SETX: variants seen among roughly 807,000 people sequenced by gnomAD.
SETX encodes the protein senataxin.
Under a neutral mutation model 227.2 loss-of-function variants are expected in SETX, and 90 were observed. That is an observed-to-expected ratio of 0.40 (90% CI 0.33 to 0.47). The LOEUF (loss-of-function observed/expected upper bound fraction) is 0.47. SETX is among the 20% of genes least tolerant of loss of function. SETX has a pLI of 0.91. For missense variants in SETX, 3,052 were observed against 3,181.5 expected (o/e 0.96, Z 0.98); for synonymous variants, 1,210 against 1,113.2 (o/e 1.09, Z -1.73).
chr9:132,326,262 C>T, intron 10 of SETX, 62 bp downstream of exon 10: 2 of 1,287,430 alleles, frequency 1.6e-6, no homozygotes, highest in Non-Finnish European at 2.2e-6. Context: ...CATTTTCACT[C>T]AGCAAGGTAA....
chr9:132,274,378 T>C (rs1787014963), intron 23 of SETX, among the ~76,000 whole-genome samples: 1 of 152,112 alleles, frequency 6.6e-6, no homozygotes, highest in Non-Finnish European at 1.5e-5. Context: ...CAGCTTAGCT[T>C]GGTTCTGGGC....
intron 2 of SETX, among the ~76,000 whole-genome samples, chr9:132,349,781 G>A (rs913894527): frequency 7.9e-5 from 12 of 152,218 alleles, no homozygotes; most frequent in South Asian, 2.1e-4. Flanking sequence ...ATTTTGGAAT[G>A]GGGAAAAAAG....
intron 23 of SETX, 33 bp downstream of exon 23, chr9:132,275,223 A>C (rs200535038): frequency 1.2e-6 from 2 of 1,606,192 alleles, no homozygotes; most frequent in East Asian, 4.5e-5. Flanking sequence ...TAATTCAACA[A>C]GAAAATTGGA....
chr9:132,289,975 T>C (rs981730639), intron 15 of SETX, among the ~76,000 whole-genome samples: 3 of 152,076 alleles, frequency 2.0e-5, no homozygotes, highest in African/African-American at 7.2e-5. Flanking sequence ...TTGGGAGATA[T>C]AAGTGGGCAA....
Position 132,330,163 on chromosome 9 carries a change from AC to A in SETX, c.1434del (p.Trp479GlyfsTer2). 1 of 1,597,922 alleles carries A rather than the reference AC, an allele frequency of 6.3e-7. No homozygotes were observed. The highest frequency in any genetic ancestry group is 8.5e-7 in the Non-Finnish European group (1 of 1,170,198). On this transcript the variant is annotated frameshift_variant, in exon 10 of 26. Transcript: ENST00000224140. LOFTEE classifies it high-confidence loss of function. ...LHRNKKCLHLLWVSSQQWVEA... is the reference protein window; with the variant it reads ...LHRNKKCLHLXWVSSQQWVEA... Reference sequence around the variant, plus strand: ...TCCACCCATTGCTGGGAACTTACCCACAGCAAATGCAAACATTTTTTATTTC... The same window carrying A: ...TCCACCCATTGCTGGGAACTTACCCAAGCAAATGCAAACATTTTTTATTTC...
chr9:132,296,114 T>C (rs1463986860), intron 14 of SETX, 86 bp from the exon 15 acceptor site: 2 of 1,489,772 alleles, frequency 1.3e-6, no homozygotes, highest in African/African-American at 2.8e-5. Flanking sequence ...TTGTCTTTAC[T>C]TCCATGTATT....
chr9:132,344,240 G>T (rs2131548044), intron 4 of SETX, among the ~76,000 whole-genome samples: 1 of 152,268 alleles, frequency 6.6e-6, no homozygotes, highest in South Asian at 2.1e-4. Flanking sequence ...TAGAGACAGG[G>T]TCTTGCGCTG....
intron 11 of SETX, among the ~76,000 whole-genome samples, chr9:132,307,350 T>A (rs996651912): frequency 8.0e-5 from 12 of 149,670 alleles, no homozygotes; most frequent in Admixed American, 4.6e-4. Context: ...TTTTTTTTTT[T>A]AATTTGGATA....
intron 11 of SETX, among the ~76,000 whole-genome samples, chr9:132,302,681 C>CAAAAAAAAAAAAAAAAAAAAAAA (rs57673567): frequency 3.8e-5 from 3 of 78,476 alleles, no homozygotes; most frequent in Non-Finnish European, 5.8e-5. Flanking sequence ...AAAAAAAAAG[C>CAAAAAAAAAAAAAAAAAAAAAAA]AAAAAAAAAA....
chr9:132,311,906 T>C (rs778722580), intron 10 of SETX, 50 bp from the exon 11 acceptor site: 8 of 1,335,428 alleles, frequency 6.0e-6, no homozygotes, highest in African/African-American at 1.4e-5. Flanking sequence ...TGGAAAGTGA[T>C]GCTAAATAGT....
At chr9:132,350,335 G>A (rs963535156) in intron 2 of SETX, among the ~76,000 whole-genome samples, 1 of 152,184 alleles carries the variant, frequency 6.6e-6, no homozygotes, top group African/African-American at 2.4e-5. Flanking sequence ...GGGTGACAGA[G>A]TGAAACTCTG....
intron 10 of SETX, among the ~76,000 whole-genome samples, chr9:132,317,292 G>A (rs1180638862): frequency 6.6e-6 from 1 of 152,104 alleles, no homozygotes; most frequent in Non-Finnish European, 1.5e-5. Flanking sequence ...CCCAAATATG[G>A]ATGCTGCTGG....
intron 19 of SETX, among the ~76,000 whole-genome samples, chr9:132,282,058 A>G (rs1337959785): frequency 2.6e-5 from 4 of 151,570 alleles, no homozygotes; most frequent in Non-Finnish European, 5.9e-5. Context: ...CGTCTCAAAA[A>G]AAACAATAAA....
At chr9:132,304,331 G>A (rs938137163) in intron 11 of SETX, among the ~76,000 whole-genome samples, 1 of 152,108 alleles carries the variant, frequency 6.6e-6, no homozygotes, top group Non-Finnish European at 1.5e-5. Context: ...ACTGCATACT[G>A]TAGGTAGAAC....
intron 15 of SETX, 41 bp from the exon 16 acceptor site, chr9:132,288,692 G>T: frequency 7.9e-7 from 1 of 1,262,456 alleles, no homozygotes; most frequent in Non-Finnish European, 1.2e-6. Context: ...TAAGGACACT[G>T]CTGATCAATC....
rs560198784 is a variant in SETX at position 132,344,130 on chromosome 9, T to C, written c.389-1331A>G. 3.5e-4 allele frequency among the ~76,000 whole-genome samples: 53 copies of C among 152,326 alleles called. 1 individual carries two copies. The highest frequency in any genetic ancestry group is 1.1e-3 in the African/African-American group (47 of 41,564). On this transcript the variant is annotated intron_variant, in intron 4 of 25. Transcript: ENST00000224140. ...CCAGAGAAGCGGGTTTTGCAACCCA[T>C]AAATATGGTATTTTTGATTCCACTT...
At chr9:132,351,920 G>C (rs1366268874) in intron 2 of SETX, among the ~76,000 whole-genome samples, 2 of 152,196 alleles carry the variant, frequency 1.3e-5, no homozygotes, top group Non-Finnish European at 2.9e-5. Flanking sequence ...CCACCAAAAA[G>C]AGAGCTAATG....
intron 18 of SETX, among the ~76,000 whole-genome samples, chr9:132,285,168 C>T (rs565919165): frequency 2.0e-5 from 3 of 152,070 alleles, no homozygotes; most frequent in East Asian, 1.9e-4. Flanking sequence ...TGAGCCACCG[C>T]GCCTGGCCAA....
At chr9:132,296,162 A>G in intron 14 of SETX, 134 bp from the exon 15 acceptor site, 1 of 1,115,416 alleles carries the variant, frequency 9.0e-7, no homozygotes, top group Non-Finnish European at 1.3e-6. Context: ...AATAAATAAA[A>G]GCATCTACAT....
Sources: gnomAD v4.1 joint callset for allele counts (sites outside exome capture counted in the v4.1 genomes callset) on GRCh38, gnomAD v4.1.1 for gene constraint, MANE v1.5 for transcripts, NCBI Gene and HGNC (gene_info 2026-07-23, HGNC 2026-07-21) for gene names.